The following GPM6A variants were observed in gnomAD, a reference collection of about 807,000 sequenced individuals.
GPM6A encodes neuronal membrane glycoprotein M6-a.
A neutral mutation model predicts 32.1 loss-of-function variants in GPM6A; 7 were observed. The ratio of observed to expected loss-of-function variants is 0.22; its 90% confidence interval spans 0.12 to 0.41. The LOEUF is 0.41. Ranked by LOEUF, GPM6A falls within the 10% of genes least tolerant of loss-of-function variation. The probability of loss-of-function intolerance (pLI) is 1.00; values close to 1 mark genes in which losing one functional copy is unlikely to be tolerated. For synonymous variants in GPM6A, 130 were observed against 123.4 expected (o/e 1.05, Z -0.35); for missense variants, 235 against 347.2 (o/e 0.68, Z 2.57).
chr4:175,897,331 C>G (rs1295581385), intron 1 of GPM6A, among the ~76,000 whole-genome samples: 3 of 152,070 alleles, frequency 2.0e-5, no homozygotes, highest in Non-Finnish European at 4.4e-5. Flanking sequence ...CCTGGCTTCT[C>G]CTTACTTCCC....
intron 1 of GPM6A, among the ~76,000 whole-genome samples, chr4:175,767,639 T>C (rs1465205187): frequency 1.3e-5 from 2 of 152,256 alleles, no homozygotes; most frequent in African/African-American, 2.4e-5. Flanking sequence ...TAATAAAATA[T>C]GTGGCTGTAG....
chr4:175,861,360 G>C (rs1294035975), intron 1 of GPM6A, among the ~76,000 whole-genome samples: 1 of 151,184 alleles, frequency 6.6e-6, no homozygotes, highest in East Asian at 1.9e-4. Context: ...AAATTATATA[G>C]CTACGCATCT....
At chr4:175,886,773 G>A (rs1737473769) in intron 1 of GPM6A, among the ~76,000 whole-genome samples, 2 of 146,204 alleles carry the variant, frequency 1.4e-5, no homozygotes, top group Admixed American at 6.8e-5. Flanking sequence ...ACACCAATAA[G>A]ACAACAGAAA....
At chr4:175,999,286 A>T (rs1741404144) in intron 1 of GPM6A, among the ~76,000 whole-genome samples, 1 of 152,186 alleles carries the variant, frequency 6.6e-6, no homozygotes, top group Non-Finnish European at 1.5e-5. Flanking sequence ...GAAATTCCAC[A>T]ATTAGAGATT....
At chr4:175,643,606 G>A (rs1741281726) in intron 4 of GPM6A, among the ~76,000 whole-genome samples, 1 of 152,072 alleles carries the variant, frequency 6.6e-6, no homozygotes, top group Non-Finnish European at 1.5e-5. Flanking sequence ...TAGGTAGTCA[G>A]ACATGAGCAG....
chr4:175,719,144 A>G (rs1050727070), intron 1 of GPM6A, among the ~76,000 whole-genome samples: 1 of 152,108 alleles, frequency 6.6e-6, no homozygotes, highest in Non-Finnish European at 1.5e-5. Flanking sequence ...TAAGAAGCAC[A>G]TATTTTTAAA....
rs772521673 is a variant in GPM6A at position 175,635,094 on chromosome 4, G to C, written c.685-37C>G. ...GAAAAATAATTTATATTGGAAGTTT[G>C]TTCAGTGTCTTCATTACACCTTGCT... On this transcript the variant is annotated intron_variant, in intron 6 of 6. Transcript: ENST00000393658. 3.3e-6 allele frequency: 5 copies of C among 1,535,676 alleles called. No individual in the cohort carries two copies. In the South Asian group the frequency reaches 5.6e-5, roughly 17 times the overall value.
intron 1 of GPM6A, among the ~76,000 whole-genome samples, chr4:175,916,113 C>CAA (rs1384210274): frequency 2.0e-5 from 3 of 152,208 alleles, no homozygotes; most frequent in Admixed American, 6.5e-5. Context: ...TAGACACATG[C>CAA]AAAACAACAG....
chr4:175,986,762 T>C (rs539576684), intron 1 of GPM6A, among the ~76,000 whole-genome samples: 1 of 152,278 alleles, frequency 6.6e-6, no homozygotes, highest in South Asian at 2.1e-4. Context: ...TCTACACACT[T>C]ACTGCTCAAA....
intron 1 of GPM6A, among the ~76,000 whole-genome samples, chr4:175,862,738 T>C (rs900944655): frequency 2.6e-5 from 4 of 152,138 alleles, no homozygotes; most frequent in Admixed American, 1.3e-4. Context: ...TTTTGTCTTT[T>C]TTTTTTTCTT....
At chr4:175,781,288 T>C (rs1385426892) in intron 1 of GPM6A, 2 of 152,136 alleles carry the variant, frequency 1.3e-5, no homozygotes, top group Non-Finnish European at 2.9e-5. Flanking sequence ...AGGTGGTCTG[T>C]TTGGATGCCC....
intron 1 of GPM6A, among the ~76,000 whole-genome samples, chr4:175,818,169 G>T (rs934155665): frequency 6.6e-6 from 1 of 152,124 alleles, no homozygotes; most frequent in Non-Finnish European, 1.5e-5. Context: ...ACATGACCTG[G>T]CAGGAGCTCA....
intron 1 of GPM6A, among the ~76,000 whole-genome samples, chr4:175,952,433 T>C (rs988083796): frequency 1.3e-5 from 2 of 152,162 alleles, no homozygotes; most frequent in African/African-American, 4.8e-5. Flanking sequence ...CCCAAAGCAA[T>C]GGAATTAACA....
intron 1 of GPM6A, among the ~76,000 whole-genome samples, chr4:175,976,298 G>T (rs1023433835): frequency 3.3e-5 from 5 of 150,080 alleles, no homozygotes; most frequent in African/African-American, 4.9e-5. Context: ...AAGTAGCTGG[G>T]CTGCAGGCGC....
rs555192943 is a variant in GPM6A at position 175,751,969 on chromosome 4, A to G, written c.38-50202T>C. Reference sequence around the variant, plus strand: ...AGCATTGTTAAAACAAAACAAACAAACAAAACAGGAGTCAATTGATGTTAG... The same window carrying G: ...AGCATTGTTAAAACAAAACAAACAAGCAAAACAGGAGTCAATTGATGTTAG... On this transcript the variant is annotated intron_variant, in intron 1 of 6. Transcript: ENST00000393658. 3.3e-3 allele frequency among the ~76,000 whole-genome samples: 497 copies of G among 152,316 alleles called. 5 individuals carry two copies. The highest frequency in any genetic ancestry group is 0.012 in the African/African-American group (485 of 41,570).
At chr4:175,933,837 C>T (rs1419510939) in intron 1 of GPM6A, among the ~76,000 whole-genome samples, 1 of 152,152 alleles carries the variant, frequency 6.6e-6, no homozygotes, top group Non-Finnish European at 1.5e-5. Flanking sequence ...AGCCACTGCG[C>T]CCGGCCAGAA....
chr4:175,865,733 T>C (rs980267608), intron 1 of GPM6A, among the ~76,000 whole-genome samples: 3 of 152,352 alleles, frequency 2.0e-5, no homozygotes, highest in African/African-American at 7.2e-5. Flanking sequence ...TTTTAATTTC[T>C]GATTGTATTT....
chr4:175,717,515 T>C (rs1745900629), intron 1 of GPM6A, among the ~76,000 whole-genome samples: 1 of 152,210 alleles, frequency 6.6e-6, no homozygotes, highest in Non-Finnish European at 1.5e-5. Context: ...TTTGCTGCAG[T>C]TGGAATTTTA....
intron 1 of GPM6A, among the ~76,000 whole-genome samples, chr4:175,744,367 A>T (rs747235150): frequency 7.9e-5 from 12 of 152,100 alleles, no homozygotes; most frequent in Admixed American, 1.3e-4. Context: ...TCTGTGTTCC[A>T]GGGAAATTCA....
Sources: allele counts gnomAD v4.1 joint callset (sites outside exome capture counted in the v4.1 genomes callset), GRCh38; gene constraint gnomAD v4.1.1; transcripts MANE v1.5; gene names NCBI Gene and HGNC (gene_info 2026-07-23, HGNC 2026-07-21).